Variants in EPHA6 observed in about 807,000 individuals in gnomAD.
The protein encoded by EPHA6 is EPH receptor A6.
A neutral mutation model predicts 112.0 loss-of-function variants in EPHA6; 50 were observed. The observed-to-expected ratio is 0.45, with a 90% confidence interval of 0.36 to 0.56. EPHA6 has a LOEUF of 0.56. Among genes scored for constraint, EPHA6 ranks in the 20% least tolerant of loss-of-function variants. EPHA6 has a pLI of 0.00. For missense variants in EPHA6, 1,280 were observed against 1,417.4 expected, an observed-to-expected ratio of 0.90 and a Z score of 1.56; for synonymous variants, 529 against 490.7, an observed-to-expected ratio of 1.08 and a Z score of -1.03.
intron 3 of EPHA6, among the ~76,000 whole-genome samples, chr3:97,000,292 C>T (rs1043608888): frequency 2.7e-5 from 4 of 147,900 alleles, no homozygotes; most frequent in East Asian, 2.0e-4. Context: ...CACACACACA[C>T]ATATATATAG....
At chr3:97,485,075 TC>T (rs1404344974) in intron 10 of EPHA6, among the ~76,000 whole-genome samples, 3 of 152,218 alleles carry the variant, frequency 2.0e-5, no homozygotes, top group African/African-American at 7.2e-5. Flanking sequence ...GGATATTGGA[TC>T]TTGATGGGGA....
intron 2 of EPHA6, among the ~76,000 whole-genome samples, chr3:96,955,665 G>A (rs892740661): frequency 3.9e-5 from 6 of 152,292 alleles, no homozygotes; most frequent in Admixed American, 3.3e-4. Flanking sequence ...AAAGGTTGAG[G>A]TTGGTACTGT....
chr3:96,906,014 T>G (rs2107588142), intron 2 of EPHA6, among the ~76,000 whole-genome samples: 1 of 152,232 alleles, frequency 6.6e-6, no homozygotes, highest in Non-Finnish European at 1.5e-5. Flanking sequence ...ACTTTTTCTC[T>G]AAAAATTGTG....
chr3:97,643,103 C>A (rs2107581348), intron 14 of EPHA6, among the ~76,000 whole-genome samples: 2 of 152,306 alleles, frequency 1.3e-5, no homozygotes, highest in South Asian at 4.1e-4. Flanking sequence ...TCGGCAGAAA[C>A]CCTGCAAGCC....
intron 16 of EPHA6, among the ~76,000 whole-genome samples, chr3:97,740,045 C>T (rs1330577667): frequency 6.6e-6 from 1 of 152,088 alleles, no homozygotes; most frequent in Admixed American, 6.6e-5. Flanking sequence ...TTTTCTCCCT[C>T]TCCACTAACC....
At chr3:97,012,208 T>G (rs2044111051) in intron 3 of EPHA6, among the ~76,000 whole-genome samples, 1 of 152,120 alleles carries the variant, frequency 6.6e-6, no homozygotes, top group Non-Finnish European at 1.5e-5. Context: ...GTAGTTTTGT[T>G]TTAAGTTCTT....
chr3:97,273,012 G>T (rs556996580), intron 5 of EPHA6, among the ~76,000 whole-genome samples: 1 of 152,272 alleles, frequency 6.6e-6, no homozygotes, highest in Non-Finnish European at 1.5e-5. Flanking sequence ...GGAACCTAGA[G>T]TGGGAGAGAT....
At chr3:97,341,706 T>C (rs1311135175) in intron 5 of EPHA6, among the ~76,000 whole-genome samples, 2 of 152,186 alleles carry the variant, frequency 1.3e-5, no homozygotes, top group South Asian at 2.1e-4. Flanking sequence ...ATTCATTCTT[T>C]ATAATTCAAT....
At chr3:97,618,807 A>C (rs953120244) in intron 13 of EPHA6, among the ~76,000 whole-genome samples, 1 of 152,134 alleles carries the variant, frequency 6.6e-6, no homozygotes, top group Non-Finnish European at 1.5e-5. Flanking sequence ...GACCAGATGG[A>C]TTCACAGCTG....
intron 16 of EPHA6, among the ~76,000 whole-genome samples, chr3:97,743,034 G>C (rs1354795118): frequency 6.6e-6 from 1 of 151,992 alleles, no homozygotes; most frequent in East Asian, 1.9e-4. Flanking sequence ...TTAACCCTAA[G>C]CTACCCAACT....
At chr3:97,201,684 T>G (rs768845682) in intron 3 of EPHA6, among the ~76,000 whole-genome samples, 44 of 152,148 alleles carry the variant, frequency 2.9e-4, no homozygotes, top group Non-Finnish European at 5.4e-4. Flanking sequence ...ATTAAGATAT[T>G]GTAATTGCAG....
At chr3:97,740,245 C>A (rs1026490762) in intron 16 of EPHA6, among the ~76,000 whole-genome samples, 1 of 152,126 alleles carries the variant, frequency 6.6e-6, no homozygotes, top group Non-Finnish European at 1.5e-5. Context: ...CTGAGTGCAC[C>A]AGGCTGTAGT....
chr3:97,159,320 G>A (rs889278615), intron 3 of EPHA6, among the ~76,000 whole-genome samples: 1 of 152,080 alleles, frequency 6.6e-6, no homozygotes, highest in Admixed American at 6.6e-5. Flanking sequence ...GAAGCACAAA[G>A]TGGCCAGGTG....
At chr3:97,141,748 A>G (rs2075911013) in intron 3 of EPHA6, among the ~76,000 whole-genome samples, 1 of 151,978 alleles carries the variant, frequency 6.6e-6, no homozygotes, top group African/African-American at 2.4e-5. Context: ...GAAATTAACA[A>G]CCTAATATCG....
intron 14 of EPHA6, among the ~76,000 whole-genome samples, chr3:97,667,844 C>G (rs2030315596): frequency 6.6e-6 from 1 of 152,072 alleles, no homozygotes; most frequent in African/African-American, 2.4e-5. Context: ...AGCATCCTGC[C>G]TTTGGATGCT....
Position 97,759,883 on chromosome 3 carries a change from C to T in EPHA6, c.*11182C>T, listed in dbSNP as rs1045771820. ...TTTTGAGACATCTTATTGGAAGACC[C>T]GAAACTTTGAATTCTGTGGTTTCCA... On this transcript the variant is annotated 3_prime_UTR_variant, in exon 18 of 18. Transcript: ENST00000389672. The T allele has an allele frequency of 9.9e-6, 2 of 202,062 alleles. No individual in the cohort carries two copies. Among genetic ancestry groups the T allele is most frequent in the Non-Finnish European group, 2.0e-5 (2 of 98,270 alleles). The allele number at this position is 202,062 out of a possible 1,614,324, so 12.5% of individuals were successfully genotyped here. A position where few individuals can be genotyped will look rare whatever the true frequency, so the allele number is the denominator to read the frequency against.
intron 3 of EPHA6, among the ~76,000 whole-genome samples, chr3:97,159,414 C>T (rs1192918242): frequency 6.6e-6 from 1 of 152,052 alleles, no homozygotes; most frequent in African/African-American, 2.4e-5. Flanking sequence ...GACCGCTAGG[C>T]CAGAAGAACA....
At chr3:97,672,038 G>A (rs1576255390) in intron 14 of EPHA6, among the ~76,000 whole-genome samples, 1 of 152,244 alleles carries the variant, frequency 6.6e-6, no homozygotes, top group East Asian at 1.9e-4. Flanking sequence ...GTTCCTGAAA[G>A]GATGAGTACT....
intron 12 of EPHA6, among the ~76,000 whole-genome samples, chr3:97,595,661 G>C (rs2093582482): frequency 6.9e-6 from 1 of 144,436 alleles, no homozygotes; most frequent in Admixed American, 7.1e-5. Context: ...AGAAAAAAAA[G>C]GAAATCACAG....
Sources: gnomAD v4.1 joint callset for allele counts (sites outside exome capture counted in the v4.1 genomes callset) on GRCh38, gnomAD v4.1.1 for gene constraint, MANE v1.5 for transcripts, NCBI Gene and HGNC (gene_info 2026-07-23, HGNC 2026-07-21) for gene names.